THSD7A: variants seen among roughly 807,000 people sequenced by gnomAD.
The protein encoded by THSD7A is thrombospondin type-1 domain-containing protein 7A.
In THSD7A, 96 loss-of-function variants were observed where a neutral mutation model predicts 231.3. The observed-to-expected ratio is 0.41, with a 90% CI of 0.35 to 0.49. THSD7A has a LOEUF of 0.49. Ranked by LOEUF, THSD7A falls within the 20% of genes least tolerant of loss-of-function variation. The pLI, the probability that THSD7A is intolerant of heterozygous loss-of-function variation, is 0.05. For missense variants in THSD7A, 2,290 were observed against 2,070.2 expected, an observed-to-expected ratio of 1.11 and a Z score of -2.06; for synonymous variants, 940 against 743.3, an observed-to-expected ratio of 1.26 and a Z score of -4.30.
intron 1 of THSD7A, among the ~76,000 whole-genome samples, chr7:11,793,548 GA>G (rs56927046): frequency 0.2 from 29,948 of 151,334 alleles, 3,180 homozygotes; most frequent in African/African-American, 0.27. Context: ...AGGTTAAAAT[GA>G]AAAAAGTCAA....
At chr7:11,489,326 T>C (rs150236394) in intron 6 of THSD7A, among the ~76,000 whole-genome samples, 63 of 152,266 alleles carry the variant, frequency 4.1e-4, no homozygotes, top group Admixed American at 9.2e-4. Context: ...TTCAGCTTGA[T>C]TAAGCATTAG....
chr7:11,661,082 G>T (rs1325771901), intron 1 of THSD7A, among the ~76,000 whole-genome samples: 1 of 151,326 alleles, frequency 6.6e-6, no homozygotes, highest in African/African-American at 2.4e-5. Flanking sequence ...AAGGAAATAT[G>T]ATGTAATTGT....
intron 1 of THSD7A, among the ~76,000 whole-genome samples, chr7:11,647,271 G>C (rs1782318557): frequency 6.6e-6 from 1 of 151,990 alleles, no homozygotes; most frequent in South Asian, 2.1e-4. Flanking sequence ...CAATTCAGCA[G>C]AGTTTAAGAT....
intron 1 of THSD7A, among the ~76,000 whole-genome samples, chr7:11,665,792 A>G (rs1324960109): frequency 6.6e-6 from 1 of 152,098 alleles, no homozygotes; most frequent in African/African-American, 2.4e-5. Flanking sequence ...CCCTCAGAAA[A>G]AAGAACGTAA....
At chr7:11,536,321 G>A (rs1032287368) in intron 6 of THSD7A, among the ~76,000 whole-genome samples, 1 of 152,006 alleles carries the variant, frequency 6.6e-6, no homozygotes, top group Non-Finnish European at 1.5e-5. Context: ...TTTTGTAATG[G>A]GTAGTGTTGC....
chr7:11,775,394 G>A (rs144049726), intron 1 of THSD7A, among the ~76,000 whole-genome samples: 73 of 152,190 alleles, frequency 4.8e-4, no homozygotes, highest in African/African-American at 1.7e-3. Context: ...TTGTACACCC[G>A]CGTTCATAGC....
At chr7:11,721,348 G>C (rs1310110939) in intron 1 of THSD7A, among the ~76,000 whole-genome samples, 1 of 151,772 alleles carries the variant, frequency 6.6e-6, no homozygotes, top group African/African-American at 2.4e-5. Context: ...TCTTATGACA[G>C]TGAGTGAGTT....
chr7:11,633,599 T>C (rs1781732298), intron 2 of THSD7A, among the ~76,000 whole-genome samples: 1 of 152,184 alleles, frequency 6.6e-6, no homozygotes, highest in African/African-American at 2.4e-5. Context: ...CTAAGTGTCC[T>C]CCCTAAGTTG....
chr7:11,711,055 G>A (rs1008489243), intron 1 of THSD7A, among the ~76,000 whole-genome samples: 1 of 150,906 alleles, frequency 6.6e-6, no homozygotes, highest in African/African-American at 2.4e-5. Flanking sequence ...TATGTCCTTT[G>A]TAGATATAGC....
At chr7:11,475,763 G>A (rs28707280) in intron 7 of THSD7A, among the ~76,000 whole-genome samples, 383 of 150,754 alleles carry the variant, frequency 2.5e-3, no homozygotes, top group African/African-American at 9.0e-3. Flanking sequence ...TCTTCTCAAT[G>A]TTTTGCATTG....
chr7:11,641,117 G>T (rs1226587832), intron 1 of THSD7A, among the ~76,000 whole-genome samples: 5 of 152,060 alleles, frequency 3.3e-5, no homozygotes, highest in African/African-American at 1.2e-4. Flanking sequence ...CATTATATAA[G>T]TAAGATAGTT....
rs1353377579 is a variant in THSD7A at position 11,407,027 on chromosome 7, G to A, written c.3945C>T (p.Thr1315=). ...GTCTTCCATCACCTTGAAAGGGCTG[G>A]GTCACTGTTCGTCTTCGGATCATTT... ...TGKMIRRRTV[T]QPFQGDGRPC... is the part of the protein sequence containing the mutation. The change falls in exon 21 of 28, where the codon ACC becomes ACT. Residue 1315 remains threonine, a synonymous_variant. Coordinates refer to ENST00000423059, the MANE Select transcript of THSD7A (RefSeq NM_015204.3). The A allele has an allele frequency of 6.2e-7, 1 of 1,613,700 alleles. No individual in the cohort carries two copies. Among genetic ancestry groups the A allele is most frequent in the East Asian group, 2.2e-5 (1 of 44,856 alleles).
rs112225197 is a variant in THSD7A at position 11,764,473 on chromosome 7, C to T, written c.190+67284G>A. 7.9e-3 allele frequency among the ~76,000 whole-genome samples: 1,190 copies of T among 149,688 alleles called. 11 individuals carry two copies. The highest frequency in any genetic ancestry group is 0.027 in the African/African-American group (1,101 of 40,618). ...GCAGGCGCCTGTTGTCCCAGCTACT[C>T]GGGAGGCTGAGGCAGGAGAATAATG... On this transcript the variant is annotated intron_variant, in intron 1 of 27. Coordinates refer to ENST00000423059, the MANE Select transcript of THSD7A (RefSeq NM_015204.3).
intron 23 of THSD7A, 103 bp downstream of exon 23, chr7:11,401,692 G>T (rs548616909): frequency 4.6e-6 from 5 of 1,098,152 alleles, no homozygotes; most frequent in Non-Finnish European, 2.5e-6. Flanking sequence ...GATTACAGGC[G>T]TGAGCCACCG....
intron 17 of THSD7A, among the ~76,000 whole-genome samples, chr7:11,416,681 C>T (rs1783969898): frequency 1.3e-5 from 2 of 152,096 alleles, no homozygotes; most frequent in Admixed American, 1.3e-4. Flanking sequence ...AAAATAATTC[C>T]ATATTAGTTA....
intron 1 of THSD7A, among the ~76,000 whole-genome samples, chr7:11,762,490 T>C (rs959129861): frequency 2.6e-5 from 4 of 152,168 alleles, no homozygotes; most frequent in Non-Finnish European, 5.9e-5. Flanking sequence ...ATTAGTGATA[T>C]GGAGCATTTT....
intron 1 of THSD7A, among the ~76,000 whole-genome samples, chr7:11,787,169 A>G (rs1783818188): frequency 1.3e-5 from 2 of 152,122 alleles, no homozygotes; most frequent in African/African-American, 2.4e-5. Flanking sequence ...GAGAAAAGGC[A>G]ATTTCAACAA....
intron 4 of THSD7A, among the ~76,000 whole-genome samples, chr7:11,573,739 CT>C (rs2128335461): frequency 6.6e-6 from 1 of 152,274 alleles, no homozygotes; most frequent in African/African-American, 2.4e-5. Context: ...TTTCATCTCT[CT>C]GGCTATCAGA....
chr7:11,739,663 T>A (rs1435980934), intron 1 of THSD7A, among the ~76,000 whole-genome samples: 1 of 151,752 alleles, frequency 6.6e-6, no homozygotes, highest in Non-Finnish European at 1.5e-5. Flanking sequence ...AGCAATCCTC[T>A]CACCCTGGCC....
Sources: allele counts gnomAD v4.1 joint callset (sites outside exome capture counted in the v4.1 genomes callset), GRCh38; gene constraint gnomAD v4.1.1; transcripts MANE v1.5; gene names NCBI Gene and HGNC (gene_info 2026-07-23, HGNC 2026-07-21).